The following THADA variants were observed in gnomAD, a reference collection of about 807,000 sequenced individuals.
The protein encoded by THADA is THADA armadillo repeat containing.
Under a neutral mutation model 219.8 loss-of-function variants are expected in THADA, and 213 were observed. The observed-to-expected ratio is 0.97, with a 90% CI of 0.87 to 1.09. The LOEUF is 1.09. THADA is among the 50% of genes least tolerant of loss of function. THADA has a pLI of 0.00. For synonymous variants in THADA, 1,018 were observed against 828.9 expected (o/e 1.23, Z -3.92); for missense variants, 2,956 against 2,311.3 (o/e 1.28, Z -5.72).
In THADA at chr2:43,581,818, A is replaced by C. The variant is rs1360262469; in HGVS notation, c.644T>G (p.Leu215Arg). Residue 215 changes from leucine to arginine, a missense_variant, in exon 8 of 38, where the codon CTT (leucine) becomes CGT (arginine). By Grantham distance (102) the Leu-to-Arg change is moderately radical (BLOSUM62 -2). Transcript: ENST00000405975. ...TATGGGAGAATCGGAAGTCTTCCAA[A>C]GATTTCCCTGGAAATCTTGTACTTT... ...VQKVQDFQGNLWKTSDSPIWQ... is the reference protein window; with the variant it reads ...VQKVQDFQGNRWKTSDSPIWQ... 42 of 1,612,946 alleles carry C rather than the reference A, an allele frequency of 2.6e-5. No homozygotes were observed. Among genetic ancestry groups the C allele is most frequent in the Non-Finnish European group, 3.6e-5 (42 of 1,179,752 alleles).
At chr2:43,449,481 C>A (rs1166946926) in intron 26 of THADA, among the ~76,000 whole-genome samples, 1 of 152,070 alleles carries the variant, frequency 6.6e-6, no homozygotes, top group Admixed American at 6.6e-5. Context: ...CAATAAACTC[C>A]AGATAGGATA....
At position 43,505,648 on chromosome 2, in the gene THADA, C is replaced by T. The variant is rs1440917469; in HGVS notation, c.3595G>A (p.Asp1199Asn). The T allele has an allele frequency of 1.3e-6, 2 of 1,596,520 alleles. No homozygotes were observed. The highest frequency in any genetic ancestry group is 1.7e-5 in the Admixed American group (1 of 57,418). Residue 1199 changes from aspartate to asparagine, a missense_variant, in exon 24 of 38, where the codon GAT becomes AAT. Asp to Asn is a conservative substitution (Grantham distance 23, BLOSUM62 1). Transcript: ENST00000405975. ...TGGGGGACTGTACTCTGTATGTCATCTGTAGGCCCAGCCAAAGAGATTAAC... is the reference window on the plus strand; with the variant it reads ...TGGGGGACTGTACTCTGTATGTCATTTGTAGGCCCAGCCAAAGAGATTAAC... ...KELISLAGPT[D>N]DIQSTVPQVH...
chr2:43,463,191 T>C (rs1327338796), intron 26 of THADA: 1 of 152,240 alleles, frequency 6.6e-6, no homozygotes, highest in Non-Finnish European at 1.5e-5. Flanking sequence ...AATTACTTGA[T>C]TTCTCTTGAG....
At chr2:43,566,975 A>G (rs180757941) in intron 14 of THADA, among the ~76,000 whole-genome samples, 154 bp from the exon 15 acceptor site, 1 of 152,294 alleles carries the variant, frequency 6.6e-6, no homozygotes, top group Admixed American at 6.5e-5. Context: ...TTGCTTAATA[A>G]TTCAGGTTAG....
chr2:43,286,932 G>C lies in THADA; in HGVS notation c.5140C>G (p.Leu1714Val). ...CCAAGAATAGGATGGGGGTTGGTGA[G>C]GAAAAGTGGTGTAGTACTGGTGAGG... is the stretch of plus-strand genomic sequence containing the variant. ...EVLTSTTPLF[L>V]TNPHPILELQ... The change falls in exon 35 of 38, where the codon CTC becomes GTC. Residue 1714 changes from leucine (L) to valine (V), a missense_variant. Transcript: ENST00000405975. 6.2e-7 allele frequency: 1 copy of C among 1,613,270 alleles called. No individual in the cohort carries two copies. The highest frequency in any genetic ancestry group is 8.5e-7 in the Non-Finnish European group (1 of 1,179,304).
At position 43,507,737 on chromosome 2, in the gene THADA, T is replaced by G. The variant is rs568353792; in HGVS notation, c.3507+911A>C. On this transcript the variant is annotated intron_variant, in intron 23 of 37. Coordinates refer to ENST00000405975, the MANE Select transcript of THADA (RefSeq NM_022065.5). ...TATTATACCACCATATTCCCGGATT[T>G]AATCTTACTATATATTAACCAAAGG... 5.4e-4 allele frequency among the ~76,000 whole-genome samples: 82 copies of G among 152,344 alleles called. 2 individuals carry two copies. The South Asian group carries it at 0.017, about 31-fold the overall frequency.
intron 30 of THADA, among the ~76,000 whole-genome samples, chr2:43,330,149 T>C (rs1679793282): frequency 6.6e-6 from 1 of 152,212 alleles, no homozygotes; most frequent in African/African-American, 2.4e-5. Flanking sequence ...CTGTGTTTTC[T>C]GGCTAGAGGC....
intron 31 of THADA, among the ~76,000 whole-genome samples, chr2:43,305,487 T>A (rs1203426097): frequency 6.6e-6 from 1 of 152,144 alleles, no homozygotes; most frequent in Non-Finnish European, 1.5e-5. Flanking sequence ...GTGGCCCCCA[T>A]CACACACACC....
chr2:43,347,302 C>T (rs547799563), intron 29 of THADA, among the ~76,000 whole-genome samples: 8 of 152,254 alleles, frequency 5.3e-5, no homozygotes, highest in African/African-American at 1.2e-4. Context: ...CTACTAGGCA[C>T]GCACTAGGGA....
intron 15 of THADA, among the ~76,000 whole-genome samples, chr2:43,560,977 A>G (rs570261303): frequency 1.5e-4 from 22 of 149,518 alleles, no homozygotes; most frequent in African/African-American, 5.2e-4. Context: ...AGCTCATGTC[A>G]GTGCACTCCA....
At chr2:43,583,720 G>A (rs1033208017) in intron 7 of THADA, among the ~76,000 whole-genome samples, 4 of 151,894 alleles carry the variant, frequency 2.6e-5, no homozygotes, top group East Asian at 3.8e-4. Flanking sequence ...GATATTATTC[G>A]GCCACAAAAA....
intron 28 of THADA, among the ~76,000 whole-genome samples, chr2:43,420,293 G>A (rs1433267039): frequency 1.3e-5 from 2 of 152,208 alleles, no homozygotes; most frequent in Non-Finnish European, 1.5e-5. Context: ...AGGTTCACAA[G>A]CATGTATTTT....
intron 26 of THADA, among the ~76,000 whole-genome samples, chr2:43,461,561 T>C (rs1683646159): frequency 6.6e-6 from 1 of 152,196 alleles, no homozygotes; most frequent in African/African-American, 2.4e-5. Flanking sequence ...CTGGATGGTC[T>C]GGGTTAATAG....
chr2:43,328,540 C>G (rs1487226752), intron 30 of THADA, among the ~76,000 whole-genome samples: 1 of 152,182 alleles, frequency 6.6e-6, no homozygotes, highest in Non-Finnish European at 1.5e-5. Flanking sequence ...CCAACTTATA[C>G]GGAATTCTTA....
intron 29 of THADA, among the ~76,000 whole-genome samples, chr2:43,369,423 A>G (rs1423233037): frequency 2.6e-5 from 4 of 152,256 alleles, no homozygotes; most frequent in Non-Finnish European, 5.9e-5. Flanking sequence ...TAATCTCAAA[A>G]GCAGATTACT....
intron 29 of THADA, among the ~76,000 whole-genome samples, chr2:43,366,354 G>GA (rs1281105427): frequency 6.6e-6 from 1 of 152,198 alleles, no homozygotes; most frequent in Non-Finnish European, 1.5e-5. Flanking sequence ...GAGTGAAGAA[G>GA]AAAAAGCTCA....
intron 22 of THADA, among the ~76,000 whole-genome samples, chr2:43,509,170 T>G (rs956300585): frequency 1.3e-5 from 2 of 152,188 alleles, no homozygotes; most frequent in African/African-American, 4.8e-5. Flanking sequence ...TTTATAGGGA[T>G]TACACATATT....
At chr2:43,510,990 TA>T (rs71892144) in intron 22 of THADA, among the ~76,000 whole-genome samples, 21,014 of 140,572 alleles carry the variant, frequency 0.15, 1,944 homozygotes, top group African/African-American at 0.28. Flanking sequence ...TAAAAAAATT[TA>T]AAAAAAAAAA....
At chr2:43,586,264 C>CA (rs1169672519) in intron 7 of THADA, 137 bp downstream of exon 7, 36 of 753,114 alleles carry the variant, frequency 4.8e-5, no homozygotes, top group Middle Eastern at 3.7e-4. Flanking sequence ...GACCCCATCT[C>CA]AAAAAAAATA....
Sources: allele counts gnomAD v4.1 joint callset (sites outside exome capture counted in the v4.1 genomes callset), GRCh38; gene constraint gnomAD v4.1.1; transcripts MANE v1.5; gene names NCBI Gene and HGNC (gene_info 2026-07-23, HGNC 2026-07-21).